FCHSD2: variants seen among roughly 807,000 people sequenced by gnomAD.
FCHSD2 encodes the protein FCH and double SH3 domains 2.
Under a neutral mutation model 108.1 loss-of-function variants are expected in FCHSD2, and 38 were observed. That is an observed-to-expected ratio of 0.35 (90% CI 0.27 to 0.46). The LOEUF (loss-of-function observed/expected upper bound fraction) is 0.46. FCHSD2 is among the 20% of genes least tolerant of loss of function. The pLI, the probability that FCHSD2 is intolerant of heterozygous loss-of-function variation, is 1.00. For synonymous variants in FCHSD2, 279 were observed against 314.7 expected, an observed-to-expected ratio of 0.89 and a Z score of 1.20; for missense variants, 751 against 897.8, an observed-to-expected ratio of 0.84 and a Z score of 2.09.
intron 3 of FCHSD2, among the ~76,000 whole-genome samples, chr11:73,053,660 T>G (rs1487049807): frequency 6.6e-6 from 1 of 152,204 alleles, no homozygotes; most frequent in Non-Finnish European, 1.5e-5. Context: ...ATATTAAAAT[T>G]GTTAAATATC....
rs564237149 is a variant in FCHSD2, at chr11:72,969,599, C to T, written c.705+14489G>A. ...AGACACCACAGAATACAAGAAGCAT[C>T]GAAGATATAAAAAACATTAAAAGAC... On this transcript the variant is annotated intron_variant, in intron 8 of 19. Transcript: ENST00000409418. Among the ~76,000 whole-genome samples the T allele has an allele frequency of 7.2e-4, 110 of 151,862 alleles. 2 individuals are homozygous for T. Among genetic ancestry groups the T allele is most frequent in the South Asian group, 4.6e-3 (22 of 4,812 alleles).
chr11:73,014,124 C>CTTTTT (rs947652108), intron 4 of FCHSD2, among the ~76,000 whole-genome samples: 9 of 86,578 alleles, frequency 1.0e-4, no homozygotes, highest in Admixed American at 7.4e-4. Flanking sequence ...TGTGTGGTTT[C>CTTTTT]TTTTTTTTTT....
intron 3 of FCHSD2, among the ~76,000 whole-genome samples, chr11:73,020,937 T>TG (rs1463862519): frequency 1.3e-5 from 2 of 152,160 alleles, no homozygotes; most frequent in African/African-American, 4.8e-5. Flanking sequence ...GGCAGTGGCA[T>TG]GATCATAGCT....
At chr11:73,045,539 A>C (rs6592507) in intron 3 of FCHSD2, among the ~76,000 whole-genome samples, 119,677 of 150,676 alleles carry the variant, frequency 0.79, 47,865 homozygotes, top group African/African-American at 0.87. Flanking sequence ...CAATGATAGA[A>C]TGGATTAAGA....
At chr11:73,051,747 T>A (rs560841195) in intron 3 of FCHSD2, among the ~76,000 whole-genome samples, 21 of 152,130 alleles carry the variant, frequency 1.4e-4, no homozygotes, top group African/African-American at 4.1e-4. Flanking sequence ...ACAAAAAAAA[T>A]TTGAAATAAA....
rs1451745664 is a variant in FCHSD2 at position 72,889,861 on chromosome 11, G to A, written c.1009C>T (p.Arg337Cys). 1.2e-6 allele frequency: 2 copies of A among 1,612,066 alleles called. No individual in the cohort carries two copies. Among genetic ancestry groups the A allele is most frequent in the African/African-American group, 1.3e-5 (1 of 74,964 alleles). Reference sequence around the variant, plus strand: ...TGGTGAACAATGTTTTTATGCTCACGTGCCACACGTGTGGCCCATTTTCGA... The same window carrying A: ...TGGTGAACAATGTTTTTATGCTCACATGCCACACGTGTGGCCCATTTTCGA... ...EARKWATRVA[R>C]EHKNIVHQQR... Residue 337 changes from arginine (R) to cysteine (C), a missense_variant, in exon 11 of 20, where the codon CGT becomes TGT. Arg to Cys is a radical substitution (Grantham distance 180). Coordinates refer to ENST00000409418, the MANE Select transcript of FCHSD2 (RefSeq NM_014824.3).
At chr11:72,955,232 T>G (rs959615584) in intron 8 of FCHSD2, among the ~76,000 whole-genome samples, 1 of 152,234 alleles carries the variant, frequency 6.6e-6, no homozygotes, top group South Asian at 2.1e-4. Flanking sequence ...TTAGGGTCGA[T>G]TAGTTTGCTA....
intron 3 of FCHSD2, among the ~76,000 whole-genome samples, chr11:73,049,087 G>A (rs1044579204): frequency 6.6e-5 from 10 of 152,302 alleles, no homozygotes; most frequent in African/African-American, 1.9e-4. Context: ...TGGGTTCAGC[G>A]TAGGATGGTG....
intron 3 of FCHSD2, among the ~76,000 whole-genome samples, chr11:73,029,640 C>A (rs377341114): frequency 1.3e-5 from 2 of 152,170 alleles, no homozygotes; most frequent in Non-Finnish European, 2.9e-5. Context: ...GTCATTGCAG[C>A]ACCCTTTCCC....
intron 10 of FCHSD2, among the ~76,000 whole-genome samples, chr11:72,898,090 G>A (rs1855457891): frequency 1.3e-5 from 2 of 152,144 alleles, no homozygotes; most frequent in Admixed American, 6.5e-5. Context: ...ACTGTCACTT[G>A]TAGTCATCTT....
chr11:73,026,412 T>C (rs1302801763), intron 3 of FCHSD2, among the ~76,000 whole-genome samples: 2 of 152,224 alleles, frequency 1.3e-5, no homozygotes, highest in Non-Finnish European at 2.9e-5. Flanking sequence ...TGGATGCTAA[T>C]TTGTTCCACT....
intron 8 of FCHSD2, among the ~76,000 whole-genome samples, chr11:72,959,696 A>C (rs548540521): frequency 3.9e-5 from 6 of 152,292 alleles, no homozygotes; most frequent in Admixed American, 2.6e-4. Context: ...ACCTGCTCCC[A>C]ATAGCTTTCT....
chr11:73,100,422 G>A (rs1860196282), intron 2 of FCHSD2, among the ~76,000 whole-genome samples: 1 of 152,086 alleles, frequency 6.6e-6, no homozygotes, highest in African/African-American at 2.4e-5. Context: ...GGAGTGCAAT[G>A]GTGCAATCTC....
intron 13 of FCHSD2, among the ~76,000 whole-genome samples, chr11:72,866,545 C>G (rs1428590525): frequency 6.6e-6 from 1 of 152,168 alleles, no homozygotes; most frequent in African/African-American, 2.4e-5. Context: ...GCTGGGATTA[C>G]AGGTGTGAAT....
rs35200645 is a variant in FCHSD2, at chr11:73,108,551, GTT to G, written c.120-24813_120-24812del. 7.5e-4 allele frequency among the ~76,000 whole-genome samples: 113 copies of G among 150,742 alleles called. No individual in the cohort carries two copies. The South Asian group carries it at 0.022, about 30-fold the overall frequency. On this transcript the variant is annotated intron_variant, in intron 2 of 19. Transcript: ENST00000409418. ...TCATAGATTGAGATTTTAGATTTAA[GTT>G]TTTTTTTTTGTTTGTTTTTTGTTTT...
chr11:72,921,789 A>C, intron 9 of FCHSD2, 39 bp downstream of exon 9: 1 of 1,562,500 alleles, frequency 6.4e-7, no homozygotes. Context: ...TTAGCTTCTA[A>C]GTTGGATAAC....
At chr11:72,987,680 T>C (rs1229580237) in intron 6 of FCHSD2, among the ~76,000 whole-genome samples, 2 of 152,172 alleles carry the variant, frequency 1.3e-5, no homozygotes, top group East Asian at 3.8e-4. Flanking sequence ...AATCCCCACT[T>C]CTCAGAAACG....
intron 13 of FCHSD2, among the ~76,000 whole-genome samples, chr11:72,856,598 C>T (rs1411654842): frequency 6.6e-6 from 1 of 152,168 alleles, no homozygotes; most frequent in African/African-American, 2.4e-5. Context: ...GCCACCATTT[C>T]AAAGCTGCTG....
At chr11:72,848,932 A>T (rs531738325) in intron 14 of FCHSD2, among the ~76,000 whole-genome samples, 1 of 152,334 alleles carries the variant, frequency 6.6e-6, no homozygotes, top group South Asian at 2.1e-4. Context: ...AACGATTTAC[A>T]TTGGAAAAAA....
Sources: allele counts gnomAD v4.1 joint callset (sites outside exome capture counted in the v4.1 genomes callset), GRCh38; gene constraint gnomAD v4.1.1; transcripts MANE v1.5; gene names NCBI Gene and HGNC (gene_info 2026-07-23, HGNC 2026-07-21).